SLC39A8: variants seen among roughly 807,000 people sequenced by gnomAD.
The protein encoded by SLC39A8 is solute carrier family 39 member 8, also known as metal cation symporter ZIP8.
In SLC39A8, 15 loss-of-function variants were observed where a neutral mutation model predicts 40.4. The ratio of observed to expected loss-of-function variants is 0.37; its 90% CI spans 0.25 to 0.57. The LOEUF is 0.57. Ranked by LOEUF, SLC39A8 falls within the 20% of genes least tolerant of loss-of-function variation. The pLI is 0.75. For missense variants in SLC39A8, 472 were observed against 558.8 expected, an observed-to-expected ratio of 0.84 and a Z score of 1.57; for synonymous variants, 223 against 221.6, an observed-to-expected ratio of 1.01 and a Z score of -0.06.
rs1045155 is a variant in SLC39A8, at chr4:102,262,907, C to T, written c.*137G>A. 21,451 of 1,409,510 alleles carry T rather than the reference C, an allele frequency of 0.015. 2,439 individuals are homozygous for T. The African/African-American group carries it at 0.26, about 17-fold the overall frequency. The allele number at this position is 1,409,510 out of a possible 1,614,324, so 87.3% of individuals were successfully genotyped here. ...TAATGGACTATTTCACAGACTGATG[C>T]CAATAATTAGTTTTCTGGACCTACA... On this transcript the variant is annotated 3_prime_UTR_variant, in exon 9 of 9. Transcript: ENST00000356736.
intron 2 of SLC39A8, among the ~76,000 whole-genome samples, chr4:102,341,654 C>T (rs1735952972): frequency 6.6e-6 from 1 of 152,236 alleles, no homozygotes; most frequent in Non-Finnish European, 1.5e-5. Context: ...AGAAGCAAAA[C>T]TATTGGCTCA....
At chr4:102,274,747 G>A (rs113195499) in intron 6 of SLC39A8, among the ~76,000 whole-genome samples, 71 of 151,064 alleles carry the variant, frequency 4.7e-4, no homozygotes, top group African/African-American at 1.5e-3. Flanking sequence ...GACTAACAGC[G>A]GCTCTCTCTA....
In SLC39A8 at chr4:102,262,774, T is replaced by G; in HGVS notation, c.*270A>C. On this transcript the variant is annotated 3_prime_UTR_variant, in exon 9 of 9. Coordinates refer to ENST00000356736, the MANE Select transcript of SLC39A8 (RefSeq NM_001135146.2). Reference sequence around the variant, plus strand: ...ATGCATGTCTCTTGCTTCATGGTGATATCTAATATGCATGGAATACTGAAA... The same window carrying G: ...ATGCATGTCTCTTGCTTCATGGTGAGATCTAATATGCATGGAATACTGAAA... 1 of 1,147,944 alleles carries G rather than the reference T, an allele frequency of 8.7e-7. No individual in the cohort carries two copies. Among genetic ancestry groups the G allele is most frequent in the East Asian group, 4.9e-5 (1 of 20,436 alleles). The allele number at this position is 1,147,944 out of a possible 1,614,324, so 71.1% of individuals were successfully genotyped here.
intron 2 of SLC39A8, among the ~76,000 whole-genome samples, chr4:102,323,352 A>G (rs1327293098): frequency 1.3e-5 from 2 of 152,262 alleles, no homozygotes; most frequent in African/African-American, 4.8e-5. Flanking sequence ...CATATAAAAC[A>G]GATAAGCAAA....
chr4:102,323,735 A>C (rs556759140), intron 2 of SLC39A8, among the ~76,000 whole-genome samples: 1 of 152,364 alleles, frequency 6.6e-6, no homozygotes, highest in South Asian at 2.1e-4. Context: ...AAGATTAAAC[A>C]ATGTAAAAGT....
downstream of SLC39A8, chr4:102,261,548 G>A (rs547842956): frequency 8.4e-6 from 3 of 357,724 alleles, no homozygotes; most frequent in East Asian, 3.3e-4. Flanking sequence ...GCCATGGCGG[G>A]GTTAGATTTA....
downstream of SLC39A8, among the ~76,000 whole-genome samples, chr4:102,257,247 C>A (rs539600235): frequency 4.0e-5 from 6 of 151,820 alleles, no homozygotes; most frequent in Non-Finnish European, 8.8e-5. Flanking sequence ...CTCTGCCTCC[C>A]GGGTTCAATT....
Position 102,262,855 on chromosome 4 carries a change from A to C in SLC39A8, c.*189T>G. ...CAGGCATCTCAGACTGACACTGAAAACCTTTTGAAGCATTTTTAACAACAA... is the reference window on the plus strand; with the variant it reads ...CAGGCATCTCAGACTGACACTGAAACCCTTTTGAAGCATTTTTAACAACAA... On this transcript the variant is annotated 3_prime_UTR_variant, in exon 9 of 9. Transcript: ENST00000356736. The C allele has an allele frequency of 7.3e-7, 1 of 1,360,916 alleles. No homozygotes were observed. The allele number at this position is 1,360,916 out of a possible 1,614,324, so 84.3% of individuals were successfully genotyped here.
At chr4:102,287,788 A>G (rs1733248546) in intron 6 of SLC39A8, among the ~76,000 whole-genome samples, 1 of 152,118 alleles carries the variant, frequency 6.6e-6, no homozygotes, top group South Asian at 2.1e-4. Context: ...ATCAGGAAGT[A>G]ATTTTGCTTT....
intron 2 of SLC39A8, among the ~76,000 whole-genome samples, chr4:102,317,411 A>G (rs1231855611): frequency 2.0e-5 from 3 of 152,132 alleles, no homozygotes; most frequent in Non-Finnish European, 4.4e-5. Context: ...TGAGTTTATG[A>G]TTAATGATAG....
At chr4:102,341,320 T>C (rs1735930414) in intron 2 of SLC39A8, among the ~76,000 whole-genome samples, 1 of 151,830 alleles carries the variant, frequency 6.6e-6, no homozygotes, top group Non-Finnish European at 1.5e-5. Context: ...TTTATCAGGC[T>C]GTTTAACCAC....
chr4:102,329,744 A>G (rs1735367917), intron 2 of SLC39A8, among the ~76,000 whole-genome samples: 1 of 152,256 alleles, frequency 6.6e-6, no homozygotes, highest in East Asian at 1.9e-4. Flanking sequence ...TCAGCACCAC[A>G]TCGCACTTAT....
chr4:102,267,753 C>G, intron 7 of SLC39A8, 79 bp from the exon 8 acceptor site: 3 of 1,529,894 alleles, frequency 2.0e-6, no homozygotes, highest in Non-Finnish European at 2.7e-6. Flanking sequence ...TCATCAATGT[C>G]CAACAAGGTC....
chr4:102,320,015 C>T (rs1420840349), intron 2 of SLC39A8, among the ~76,000 whole-genome samples: 2 of 151,202 alleles, frequency 1.3e-5, no homozygotes, highest in Non-Finnish European at 2.9e-5. Context: ...CTAGAGTTTA[C>T]ACCACTGGCT....
chr4:102,297,326 C>T (rs1733721436), intron 6 of SLC39A8, among the ~76,000 whole-genome samples: 1 of 152,076 alleles, frequency 6.6e-6, no homozygotes, highest in South Asian at 2.1e-4. Flanking sequence ...GGGTAAGTTC[C>T]TTACCTTCTC....
intron 11 of SLC39A8, among the ~76,000 whole-genome samples, chr4:102,256,147 A>G (rs1731703902): frequency 6.6e-6 from 1 of 152,216 alleles, no homozygotes; most frequent in African/African-American, 2.4e-5. Context: ...GTTAGCACAT[A>G]CAATGACTCC....
rs1224633959 is a variant in SLC39A8, at chr4:102,282,391, G to A, written c.841-14312C>T. Among the ~76,000 whole-genome samples the A allele has an allele frequency of 3.9e-5, 6 of 152,128 alleles. No individual in the cohort carries two copies. The East Asian group carries it at 1.2e-3, about 29-fold the overall frequency. ...CACATGGACATTTATGCACAACATG[G>A]AAAGGATGTGCATAAAAAAAGTTCA... On this transcript the variant is annotated intron_variant, in intron 6 of 8. Transcript: ENST00000356736.
intron 8 of SLC39A8, among the ~76,000 whole-genome samples, chr4:102,267,164 T>C (rs1429715094): frequency 6.6e-6 from 1 of 152,146 alleles, no homozygotes; most frequent in Non-Finnish European, 1.5e-5. Flanking sequence ...AAAAGTCCTA[T>C]AGGGACATAC....
intron 6 of SLC39A8, among the ~76,000 whole-genome samples, chr4:102,275,310 C>CA (rs753093293): frequency 7.7e-6 from 1 of 129,864 alleles, no homozygotes; most frequent in African/African-American, 2.9e-5. Context: ...AAAAACAAAA[C>CA]AAAAAAGCAG....
Sources: allele counts gnomAD v4.1 joint callset (sites outside exome capture counted in the v4.1 genomes callset), GRCh38; gene constraint gnomAD v4.1.1; transcripts MANE v1.5; gene names NCBI Gene and HGNC (gene_info 2026-07-23, HGNC 2026-07-21).